The following L3MBTL4 variants were observed in gnomAD, a reference collection of about 807,000 sequenced individuals.
The protein encoded by L3MBTL4 is L3MBTL histone methyl-lysine binding protein 4.
In L3MBTL4, 70 loss-of-function variants were observed where a neutral mutation model predicts 84.5. That is an observed-to-expected ratio of 0.83 (90% CI 0.68 to 1.01). The LOEUF (loss-of-function observed/expected upper bound fraction) is 1.01. Among genes scored for constraint, L3MBTL4 ranks in the 50% least tolerant of loss-of-function variants. The probability of loss-of-function intolerance (pLI) is 0.00; values close to 1 mark genes in which losing one functional copy is unlikely to be tolerated. For missense variants in L3MBTL4, 715 were observed against 754.8 expected (o/e 0.95, Z 0.62); for synonymous variants, 274 against 259.8 (o/e 1.05, Z -0.52).
At chr18:6,306,004 C>G (rs932314317) in intron 3 of L3MBTL4, among the ~76,000 whole-genome samples, 27 of 152,198 alleles carry the variant, frequency 1.8e-4, no homozygotes, top group African/African-American at 6.3e-4. Flanking sequence ...CCTGAACACT[C>G]AAGGATTTCT....
At chr18:6,210,084 C>G (rs1310795193) in intron 12 of L3MBTL4, among the ~76,000 whole-genome samples, 1 of 152,118 alleles carries the variant, frequency 6.6e-6, no homozygotes, top group East Asian at 1.9e-4. Flanking sequence ...GATGGTTGCA[C>G]AACTTTGTGA....
At chr18:6,031,984 CTTT>C (rs11333961) in intron 16 of L3MBTL4, 3 of 327,008 alleles carry the variant, frequency 9.2e-6, no homozygotes, top group Non-Finnish European at 1.3e-5. Context: ...TTCTTTCTTT[CTTT>C]TTTTTTTTGA....
intron 16 of L3MBTL4, among the ~76,000 whole-genome samples, chr18:6,071,744 G>GGAAGGAAA (rs2057629357): frequency 2.5e-5 from 1 of 40,062 alleles, no homozygotes. Flanking sequence ...AAAGAAGGAA[G>GGAAGGAAA]GAAAGAAAGA....
intron 13 of L3MBTL4, among the ~76,000 whole-genome samples, chr18:6,168,902 T>C (rs567607905): frequency 1.5e-3 from 235 of 151,790 alleles, no homozygotes; most frequent in Non-Finnish European, 2.3e-3. Context: ...ACCTACAGAA[T>C]GGGAGAAAAT....
chr18:6,005,347 C>A (rs12955788), intron 16 of L3MBTL4, among the ~76,000 whole-genome samples: 3 of 42,240 alleles, frequency 7.1e-5, no homozygotes, highest in Non-Finnish European at 1.5e-4. Flanking sequence ...CACTGTCTCA[C>A]AAACACAACA....
intron 13 of L3MBTL4, among the ~76,000 whole-genome samples, chr18:6,162,511 G>C (rs945363160): frequency 6.6e-6 from 1 of 152,146 alleles, no homozygotes; most frequent in African/African-American, 2.4e-5. Context: ...TGGTTGTATA[G>C]ATCTACTTAC....
At chr18:6,129,362 T>TTC (rs760535630) in intron 14 of L3MBTL4, among the ~76,000 whole-genome samples, 111 of 143,380 alleles carry the variant, frequency 7.7e-4, no homozygotes, top group East Asian at 1.8e-3. Flanking sequence ...TTTACTGGAA[T>TTC]TCTCTCTGTG....
At chr18:6,046,907 G>A (rs1470965339) in intron 16 of L3MBTL4, among the ~76,000 whole-genome samples, 1 of 152,076 alleles carries the variant, frequency 6.6e-6, no homozygotes, top group African/African-American at 2.4e-5. Flanking sequence ...TAAAATCAGA[G>A]CAGAACTGAA....
intron 13 of L3MBTL4, among the ~76,000 whole-genome samples, chr18:6,154,618 T>C (rs1264381173): frequency 1.3e-5 from 2 of 152,204 alleles, no homozygotes; most frequent in South Asian, 2.1e-4. Flanking sequence ...TCGTACAGCA[T>C]GACCCTCAAT....
At chr18:6,291,475 G>A (rs143642935) in intron 4 of L3MBTL4, among the ~76,000 whole-genome samples, 1 of 152,270 alleles carries the variant, frequency 6.6e-6, no homozygotes, top group African/African-American at 2.4e-5. Context: ...AACCAAATCA[G>A]CATGGTACTG....
At chr18:6,364,695 A>G (rs988182039) in intron 1 of L3MBTL4, among the ~76,000 whole-genome samples, 1 of 152,168 alleles carries the variant, frequency 6.6e-6, no homozygotes. Context: ...AAAATGATAT[A>G]TTTTGTGGCA....
chr18:6,178,921 G>T (rs2145314374), intron 12 of L3MBTL4, among the ~76,000 whole-genome samples: 1 of 152,244 alleles, frequency 6.6e-6, no homozygotes, highest in African/African-American at 2.4e-5. Context: ...CAACGCCTCA[G>T]TCATGTTCGC....
chr18:6,203,809 G>C (rs1338318089), intron 12 of L3MBTL4, among the ~76,000 whole-genome samples: 1 of 152,184 alleles, frequency 6.6e-6, no homozygotes, highest in African/African-American at 2.4e-5. Context: ...CCAGCTCCCA[G>C]GTGATGCAGA....
At chr18:6,080,157 G>A (rs1409496009) in intron 16 of L3MBTL4, 1 of 152,296 alleles carries the variant, frequency 6.6e-6, no homozygotes, top group African/African-American at 2.4e-5. Flanking sequence ...ACTTCTACCA[G>A]GTCAGTAGAA....
rs542186516 is a variant in L3MBTL4 at position 5,971,979 on chromosome 18, T to G, written c.1445-2417A>C. The stretch of plus-strand genomic sequence containing the variant: ...TGAATACAGTTACCTGTGTCCCTAT[T>G]AAATCAAACTATTTGAAGGGAAGCC... On this transcript the variant is annotated intron_variant, in intron 16 of 18. Transcript: ENST00000317931. Among the ~76,000 whole-genome samples the G allele has an allele frequency of 2.0e-5, 3 of 152,374 alleles. No individual in the cohort carries two copies. The South Asian group carries it at 6.2e-4, about 32-fold the overall frequency.
rs755121957 is a variant in L3MBTL4, at chr18:6,241,409, CT to C, written c.500del (p.Lys167ArgfsTer30). 5.0e-6 allele frequency: 8 copies of C among 1,604,970 alleles called. No individual in the cohort carries two copies. The highest frequency in any genetic ancestry group is 6.8e-6 in the Non-Finnish European group (8 of 1,174,858). On this transcript the variant is annotated frameshift_variant, in exon 8 of 19. Coordinates refer to ENST00000317931, the MANE Select transcript of L3MBTL4 (RefSeq NM_001330559.2). LOFTEE classifies it high-confidence loss of function. ...TTGGAGCATTTTGCAATTTGCAGGC[CT>C]TCAAGTAATCCATCCAAACAAATTT... The part of the protein sequence containing the change: ...KDKFVWMDYL[K>X]ACKLQNAPKK...
At chr18:6,260,147 A>G (rs938295417) in intron 5 of L3MBTL4, 1 of 152,002 alleles carries the variant, frequency 6.6e-6, no homozygotes, top group African/African-American at 2.4e-5. Flanking sequence ...CCATTGTTCT[A>G]TGTATGTGTT....
intron 14 of L3MBTL4, among the ~76,000 whole-genome samples, chr18:6,129,431 T>A (rs1195715272): frequency 6.7e-6 from 1 of 150,230 alleles, no homozygotes; most frequent in Non-Finnish European, 1.5e-5. Flanking sequence ...CATTTCATCA[T>A]TAAGTTTGGT....
intron 4 of L3MBTL4, among the ~76,000 whole-genome samples, chr18:6,288,318 T>C (rs1216217974): frequency 6.6e-6 from 1 of 152,220 alleles, no homozygotes; most frequent in African/African-American, 2.4e-5. Context: ...TTTATTCCAA[T>C]TGATTTAAAT....
Sources: gnomAD v4.1 joint callset for allele counts (sites outside exome capture counted in the v4.1 genomes callset) on GRCh38, gnomAD v4.1.1 for gene constraint, MANE v1.5 for transcripts, NCBI Gene and HGNC (gene_info 2026-07-23, HGNC 2026-07-21) for gene names.